Variants in IL1RAPL2 observed in about 807,000 individuals in gnomAD.
IL1RAPL2 encodes the protein interleukin 1 receptor accessory protein like 2.
A neutral mutation model predicts 44.1 loss-of-function variants in IL1RAPL2; 3 were observed. The ratio of observed to expected loss-of-function variants is 0.07; its 90% confidence interval spans 0.03 to 0.18. IL1RAPL2 has a LOEUF of 0.18. Among genes scored for constraint, IL1RAPL2 ranks in the 10% least tolerant of loss-of-function variants. The pLI is 1.00. For missense variants in IL1RAPL2, 391 were observed against 496.4 expected (o/e 0.79, Z 2.02); for synonymous variants, 181 against 178.8 (o/e 1.01, Z -0.10).
At chrX:104,912,147 T>C (rs201561137) in intron 2 of IL1RAPL2, among the ~76,000 whole-genome samples, 1 of 97,933 alleles carries the variant, frequency 1.0e-5, no homozygotes, top group South Asian at 4.6e-4. Context: ...ATTTTTTTTT[T>C]TCTTTTTTTC....
At chrX:105,432,096 A>G (rs776776143) in intron 5 of IL1RAPL2, among the ~76,000 whole-genome samples, 1 of 93,676 alleles carries the variant, frequency 1.1e-5, no homozygotes, top group Non-Finnish European at 2.1e-5. Context: ...CTTCCAGAAA[A>G]TTTGGGTAGT....
At chrX:105,400,513 C>A (rs1332046046) in intron 5 of IL1RAPL2, among the ~76,000 whole-genome samples, 2 of 111,228 alleles carry the variant, frequency 1.8e-5, no homozygotes, top group Admixed American at 1.9e-4. Flanking sequence ...ATCCATAGCC[C>A]AGTACTTGAT....
intron 2 of IL1RAPL2, among the ~76,000 whole-genome samples, chrX:105,077,544 G>A (rs2032327924): frequency 9.2e-6 from 1 of 108,862 alleles, no homozygotes; most frequent in African/African-American, 3.3e-5. Context: ...TTCTCGAGGA[G>A]TATCTTTGTG....
At chrX:105,225,671 T>TTTATC (rs1410314439) in intron 3 of IL1RAPL2, among the ~76,000 whole-genome samples, 4 of 105,145 alleles carry the variant, frequency 3.8e-5, no homozygotes, top group Non-Finnish European at 5.8e-5. Flanking sequence ...ATACTTTTAT[T>TTTATC]TTATTTTATT....
intron 2 of IL1RAPL2, among the ~76,000 whole-genome samples, chrX:105,045,113 A>G (rs2031819858): frequency 9.0e-6 from 1 of 111,263 alleles, no homozygotes; most frequent in African/African-American, 3.3e-5. Context: ...TTACTGGTAT[A>G]TAGAAAGCTA....
chrX:104,902,531 T>C (rs761929267), intron 2 of IL1RAPL2, among the ~76,000 whole-genome samples: 3 of 112,245 alleles, frequency 2.7e-5, no homozygotes, highest in Non-Finnish European at 5.6e-5. Flanking sequence ...TTGAAAATTC[T>C]GTGTAGATTT....
intron 2 of IL1RAPL2, among the ~76,000 whole-genome samples, chrX:104,906,171 C>T (rs1017258431): frequency 9.0e-4 from 100 of 111,340 alleles, no homozygotes; most frequent in Non-Finnish European, 1.2e-3. Flanking sequence ...TGAGACTTTG[C>T]TGAAGTTGCT....
chrX:105,316,415 C>T (rs868738164), intron 5 of IL1RAPL2, among the ~76,000 whole-genome samples: 1 of 111,560 alleles, frequency 9.0e-6, no homozygotes, highest in East Asian at 2.8e-4. Flanking sequence ...TAGATTTAAC[C>T]AGAAAAATGA....
intron 10 of IL1RAPL2, among the ~76,000 whole-genome samples, chrX:105,764,654 A>AAATT (rs1009629189): frequency 1.8e-5 from 2 of 110,685 alleles, no homozygotes; most frequent in Non-Finnish European, 3.8e-5. Flanking sequence ...TAATAATAAA[A>AAATT]AATTAGCCGA....
intron 2 of IL1RAPL2, among the ~76,000 whole-genome samples, chrX:104,957,488 C>T (rs2029924782): frequency 9.0e-6 from 1 of 111,168 alleles, no homozygotes; most frequent in African/African-American, 3.3e-5. Flanking sequence ...CAGATAATGC[C>T]TTTATGAACC....
chrX:104,633,368 G>A (rs1320037139), intron 1 of IL1RAPL2, among the ~76,000 whole-genome samples: 3 of 111,550 alleles, frequency 2.7e-5, no homozygotes, highest in African/African-American at 9.8e-5. Context: ...AATGAGTTAG[G>A]GAGGATTCCC....
intron 2 of IL1RAPL2, among the ~76,000 whole-genome samples, chrX:104,672,300 T>C (rs760697165): frequency 4.1e-4 from 45 of 110,422 alleles, no homozygotes; most frequent in African/African-American, 1.3e-3. Context: ...CCTGTGTCCA[T>C]GTGATCTCAT....
intron 2 of IL1RAPL2, among the ~76,000 whole-genome samples, chrX:104,956,461 A>AGTAAGTGTGTGTGT (rs1556020853): frequency 1.2e-5 from 1 of 84,086 alleles, no homozygotes; most frequent in Non-Finnish European, 2.2e-5. Context: ...GTCTCTACTA[A>AGTAAGTGTGTGTGT]GTGTGTGTGT....
chrX:105,755,311 C>A lies in IL1RAPL2; in HGVS notation c.1327C>A (p.Leu443Ile), dbSNP rs1182576556. ...CCTGGAAAAACACTATGGATATAAA[C>A]TCTTCATCCCAGAAAGAGACCTGAT... ...DVLEKHYGYK[L>I]FIPERDLIPS... The change falls in exon 10 of 11, where the codon CTC becomes ATC. Residue 443 changes from leucine (L) to isoleucine (I), a missense_variant. Leu to Ile is a conservative substitution (Grantham distance 5). Around this residue, in one of 2 missense-constraint regions of IL1RAPL2, gnomAD observed 232 missense variants for 244.8 expected, o/e 0.95. Coordinates refer to ENST00000372582, the MANE Select transcript of IL1RAPL2 (RefSeq NM_017416.2). The A allele has an allele frequency of 8.3e-7, 1 of 1,202,274 alleles. No individual in the cohort carries two copies.
At chrX:104,948,609 TGA>T (rs1181674950) in intron 2 of IL1RAPL2, among the ~76,000 whole-genome samples, 3 of 111,240 alleles carry the variant, frequency 2.7e-5, no homozygotes, top group Non-Finnish European at 5.7e-5. Flanking sequence ...CCTAATTTCT[TGA>T]GAGTTTTTAG....
At position 105,338,964 on chromosome X, in the gene IL1RAPL2, G is replaced by A. The variant is rs1399651933; in HGVS notation, c.697+71423G>A. ...AAAATACAAAAAAAATTAGCAAGAT[G>A]TGGCGGTGTGCGCCTGTAATCCCAG... On this transcript the variant is annotated intron_variant, in intron 5 of 10. Transcript: ENST00000372582. 5.4e-5 allele frequency among the ~76,000 whole-genome samples: 6 copies of A among 110,605 alleles called. No homozygotes were observed. The East Asian group carries it at 1.1e-3, about 21-fold the overall frequency.
At chrX:104,807,126 A>G (rs1054823254) in intron 2 of IL1RAPL2, among the ~76,000 whole-genome samples, 5 of 111,158 alleles carry the variant, frequency 4.5e-5, no homozygotes, top group South Asian at 3.8e-4. Flanking sequence ...CCTTGGGGGT[A>G]TGCAGCTGTG....
chrX:104,768,496 C>A (rs1488477769), intron 2 of IL1RAPL2, among the ~76,000 whole-genome samples: 1 of 111,496 alleles, frequency 9.0e-6, no homozygotes, highest in African/African-American at 3.3e-5. Flanking sequence ...ATTCTTTCAG[C>A]CTTCTCAAAC....
intron 2 of IL1RAPL2, among the ~76,000 whole-genome samples, chrX:104,673,096 G>A: frequency 9.0e-6 from 1 of 111,683 alleles, no homozygotes; most frequent in Non-Finnish European, 1.9e-5. Context: ...AAGCTCTTTA[G>A]CTTAATTAGA....
Sources: gnomAD v4.1 joint callset for allele counts (sites outside exome capture counted in the v4.1 genomes callset) on GRCh38, gnomAD v4.1.1 for gene constraint, gnomAD v4.1.1 regional missense constraint, MANE v1.5 for transcripts, NCBI Gene and HGNC (gene_info 2026-07-23, HGNC 2026-07-21) for gene names.